Variants in DHDDS observed in about 807,000 individuals in gnomAD.
The protein encoded by DHDDS is dehydrodolichyl diphosphate synthase subunit, also known as dehydrodolichyl diphosphate synthase complex subunit DHDDS.
Under a neutral mutation model 46.2 loss-of-function variants are expected in DHDDS, and 16 were observed. The observed-to-expected ratio is 0.35, with a 90% confidence interval of 0.23 to 0.53. The LOEUF (loss-of-function observed/expected upper bound fraction) is 0.53. DHDDS is among the 20% of genes least tolerant of loss of function. The pLI is 0.94. For missense variants in DHDDS, 340 were observed against 423.7 expected (o/e 0.80, Z 1.73); for synonymous variants, 151 against 163.1 (o/e 0.93, Z 0.56).
At chr1:26,466,320 CA>C (rs1183737714) in intron 8 of DHDDS, 1 of 152,200 alleles carries the variant, frequency 6.6e-6, no homozygotes, top group Non-Finnish European at 1.5e-5. Flanking sequence ...GAACTGGAAA[CA>C]CCTCTGAGAT....
chr1:26,442,669 A>G (rs1470917393), intron 3 of DHDDS, 62 bp from the exon 4 acceptor site: 3 of 1,604,848 alleles, frequency 1.9e-6, no homozygotes, highest in East Asian at 2.2e-5. Flanking sequence ...ACCAAAAAGT[A>G]TCTCTTATTT....
At chr1:26,464,963 G>A (rs2124528996) in intron 8 of DHDDS, among the ~76,000 whole-genome samples, 1 of 152,316 alleles carries the variant, frequency 6.6e-6, no homozygotes, top group South Asian at 2.1e-4. Flanking sequence ...GTATCTGAAT[G>A]GACCATGACA....
At chr1:26,464,543 GCT>G (rs34394645) in intron 8 of DHDDS, among the ~76,000 whole-genome samples, 31,615 of 152,108 alleles carry the variant, frequency 0.21, 3,931 homozygotes, top group Middle Eastern at 0.28. Flanking sequence ...AAGCTTCAAA[GCT>G]CTGTTTCTAG....
rs748347461 is a variant in DHDDS, at chr1:26,446,348, G to A, written c.356G>A (p.Arg119Gln). 2.7e-5 allele frequency: 44 copies of A among 1,613,840 alleles called. No individual in the cohort carries two copies. Among genetic ancestry groups the A allele is most frequent in the Admixed American group, 8.3e-5 (5 of 59,994 alleles). ...CTGCAGAAGCATGGGGTGTGTATCC[G>A]GGTCCTGGGCGATCTGCACTTGTTG... is the stretch of plus-strand genomic sequence containing the variant. ...EKLQKHGVCI[R>Q]VLGDLHLLPL... The change falls in exon 5 of 9, where the codon CGG (arginine) becomes CAG (glutamine). Residue 119 changes from arginine to glutamine, a missense_variant. Arg to Gln is a conservative substitution (Grantham distance 43, BLOSUM62 1). Coordinates refer to ENST00000236342, the MANE Select transcript of DHDDS (RefSeq NM_205861.3).
intron 4 of DHDDS, among the ~76,000 whole-genome samples, chr1:26,443,745 G>T (rs2124410994): frequency 6.6e-6 from 1 of 152,300 alleles, no homozygotes; most frequent in African/African-American, 2.4e-5. Context: ...CTGGGCTACA[G>T]ACATTGCTCC....
chr1:26,457,929 ATGTTTG>A (rs1460836720), intron 7 of DHDDS, 24 bp downstream of exon 7: 4 of 1,592,520 alleles, frequency 2.5e-6, no homozygotes, highest in Non-Finnish European at 2.6e-6. Flanking sequence ...AAGTACTATT[ATGTTTG>A]TGTCATGGGG....
intron 3 of DHDDS, among the ~76,000 whole-genome samples, chr1:26,442,445 C>A (rs2075227832): frequency 6.6e-6 from 1 of 152,200 alleles, no homozygotes; most frequent in African/African-American, 2.4e-5. Context: ...GAGTCAGGGA[C>A]TAGAGCCTAT....
chr1:26,447,274 C>G (rs1445196078), intron 5 of DHDDS, among the ~76,000 whole-genome samples: 2 of 151,970 alleles, frequency 1.3e-5, no homozygotes, highest in African/African-American at 4.8e-5. Context: ...GAGTCGAGAT[C>G]ACGCCATTGC....
intron 8 of DHDDS, among the ~76,000 whole-genome samples, chr1:26,464,233 T>G (rs906962251): frequency 1.3e-5 from 2 of 152,028 alleles, no homozygotes; most frequent in African/African-American, 4.8e-5. Flanking sequence ...CCTCAGGTGA[T>G]CCACCCACCT....
intron 7 of DHDDS, among the ~76,000 whole-genome samples, chr1:26,459,271 T>C (rs1017595248): frequency 1.3e-5 from 2 of 151,970 alleles, no homozygotes; most frequent in South Asian, 2.1e-4. Context: ...GAAGGTGACA[T>C]TGGTTTAGCA....
chr1:26,441,126 C>T (rs1157805063), intron 3 of DHDDS, among the ~76,000 whole-genome samples: 14 of 151,632 alleles, frequency 9.2e-5, no homozygotes, highest in Admixed American at 2.6e-4. Flanking sequence ...GGTTTCACCA[C>T]GTTGGTCAGG....
intron 2 of DHDDS, among the ~76,000 whole-genome samples, chr1:26,437,797 A>C (rs1163873135): frequency 7.1e-6 from 1 of 141,206 alleles, no homozygotes; most frequent in Non-Finnish European, 1.6e-5. Flanking sequence ...TTAAAAAAAG[A>C]AAAAAAAAAA....
chr1:26,441,586 T>C lies in DHDDS; in HGVS notation c.181-1145T>C, dbSNP rs868055810. Among the ~76,000 whole-genome samples, 18 of 152,162 alleles carry C rather than the reference T, an allele frequency of 1.2e-4. No individual in the cohort carries two copies. The South Asian group carries it at 2.3e-3, about 19-fold the overall frequency. On this transcript the variant is annotated intron_variant, in intron 3 of 8. Coordinates refer to ENST00000236342, the MANE Select transcript of DHDDS (RefSeq NM_205861.3). ...CAATTGCATTTATTTATCTAACCCATACCCCTGTCAAGATATAGGACATTT... is the reference window on the plus strand; with the variant it reads ...CAATTGCATTTATTTATCTAACCCACACCCCTGTCAAGATATAGGACATTT...
intron 4 of DHDDS, among the ~76,000 whole-genome samples, chr1:26,445,820 C>T (rs1397696830): frequency 6.6e-6 from 1 of 151,484 alleles, no homozygotes; most frequent in African/African-American, 2.4e-5. Flanking sequence ...GTCAAGGGTT[C>T]GAGACCAGCC....
At chr1:26,433,643 CA>C (rs1212241888) in intron 2 of DHDDS, among the ~76,000 whole-genome samples, 1 of 68,918 alleles carries the variant, frequency 1.5e-5, no homozygotes, top group African/African-American at 5.7e-5. Flanking sequence ...GGGACTGTCT[CA>C]AAAAAAAGAG....
rs1287822540 is a variant in DHDDS at position 26,447,657 on chromosome 1, C to T, written c.539C>T (p.Pro180Leu). 1 of 1,613,622 alleles carries T rather than the reference C, an allele frequency of 6.2e-7. No homozygotes were observed. The highest frequency in any genetic ancestry group is 8.5e-7 in the Non-Finnish European group (1 of 1,179,620). ...GGGGTGGAGCAAGGCCTGTTGGATCCCAGGTATCCCGAGTTGTTTTGCATG... is the reference window on the plus strand; with the variant it reads ...GGGGTGGAGCAAGGCCTGTTGGATCTCAGGTATCCCGAGTTGTTTTGCATG... The part of the protein sequence containing the change: ...AWGVEQGLLD[P>L]SDISESLLDK... Residue 180 changes from proline (P) to leucine (L), a missense_variant, in exon 6 of 9, where the codon CCC (proline) becomes CTC (leucine). By Grantham distance (98) the Pro-to-Leu change is moderately conservative. Coordinates refer to ENST00000236342, the MANE Select transcript of DHDDS (RefSeq NM_205861.3).
At chr1:26,442,990 G>A (rs924731884) in intron 4 of DHDDS, 117 bp downstream of exon 4, 4 of 1,535,100 alleles carry the variant, frequency 2.6e-6, no homozygotes, top group African/African-American at 2.7e-5. Context: ...TTTAATGTTA[G>A]TTAGATATCT....
At chr1:26,457,497 T>G (rs149833272) in intron 6 of DHDDS, among the ~76,000 whole-genome samples, 7 of 148,982 alleles carry the variant, frequency 4.7e-5, no homozygotes, top group African/African-American at 1.7e-4. Flanking sequence ...AATAAATACC[T>G]TATGTATCAG....
At chr1:26,433,416 G>A (rs969763860) in intron 2 of DHDDS, among the ~76,000 whole-genome samples, 3 of 152,136 alleles carry the variant, frequency 2.0e-5, no homozygotes, top group African/African-American at 7.2e-5. Flanking sequence ...TTGGGAGGCT[G>A]AGGTGGGCAG....
Sources: allele counts gnomAD v4.1 joint callset (sites outside exome capture counted in the v4.1 genomes callset), GRCh38; gene constraint gnomAD v4.1.1; transcripts MANE v1.5; gene names NCBI Gene and HGNC (gene_info 2026-07-23, HGNC 2026-07-21).